The following NFIA variants were observed in gnomAD, a reference collection of about 807,000 sequenced individuals.
NFIA encodes the protein nuclear factor 1 A-type.
Under a neutral mutation model 62.8 loss-of-function variants are expected in NFIA, and 8 were observed. The ratio of observed to expected loss-of-function variants is 0.13; its 90% confidence interval spans 0.07 to 0.23. NFIA has a LOEUF of 0.23. Among genes scored for constraint, NFIA ranks in the 10% least tolerant of loss-of-function variants. The pLI, the probability that NFIA is intolerant of heterozygous loss-of-function variation, is 1.00. For synonymous variants in NFIA, 235 were observed against 238.1 expected, an observed-to-expected ratio of 0.99 and a Z score of 0.12; for missense variants, 410 against 642.1, an observed-to-expected ratio of 0.64 and a Z score of 3.91.
chr1:61,301,163 G>T (rs1259414119), intron 3 of NFIA, among the ~76,000 whole-genome samples: 2 of 116,352 alleles, frequency 1.7e-5, no homozygotes, highest in Non-Finnish European at 4.1e-5. Flanking sequence ...GGAGGACACC[G>T]GGTGATATGC....
At chr1:61,379,800 G>A (rs985425097) in intron 6 of NFIA, among the ~76,000 whole-genome samples, 1 of 152,032 alleles carries the variant, frequency 6.6e-6, no homozygotes, top group African/African-American at 2.4e-5. Flanking sequence ...CAATCCTCCT[G>A]TCTCAGCCTC....
At chr1:61,218,248 G>T (rs1021864030) in intron 2 of NFIA, among the ~76,000 whole-genome samples, 2 of 152,220 alleles carry the variant, frequency 1.3e-5, no homozygotes, top group Non-Finnish European at 2.9e-5. Context: ...TGTTACAATT[G>T]TAAGAGATGT....
chr1:61,080,525 A>G (rs1240537265), upstream of NFIA, among the ~76,000 whole-genome samples: 1 of 152,206 alleles, frequency 6.6e-6, no homozygotes, highest in African/African-American at 2.4e-5. Flanking sequence ...AGAAACTTCT[A>G]TCGAGGAAAC....
chr1:61,135,861 T>C (rs191998838), intron 2 of NFIA, among the ~76,000 whole-genome samples: 62 of 152,328 alleles, frequency 4.1e-4, no homozygotes, highest in African/African-American at 1.4e-3. Flanking sequence ...TCCTTATCCT[T>C]GTCTGGACAT....
At chr1:61,357,177 C>T (rs1662998854) in intron 5 of NFIA, among the ~76,000 whole-genome samples, 1 of 152,236 alleles carries the variant, frequency 6.6e-6, no homozygotes, top group South Asian at 2.1e-4. Context: ...TATCACACTT[C>T]ACTCACAATG....
At chr1:61,347,970 G>A (rs1461313030) in intron 4 of NFIA, among the ~76,000 whole-genome samples, 1 of 152,138 alleles carries the variant, frequency 6.6e-6, no homozygotes, top group African/African-American at 2.4e-5. Context: ...TCTAGCAAAT[G>A]CACTTTGAGG....
At chr1:61,178,476 T>TCC (rs747412148) in intron 2 of NFIA, among the ~76,000 whole-genome samples, 1 of 152,218 alleles carries the variant, frequency 6.6e-6, no homozygotes. Flanking sequence ...GGAGCCATTA[T>TCC]CCTCCTTTCA....
At chr1:61,389,107 AAAC>A (rs966631281) in intron 7 of NFIA, among the ~76,000 whole-genome samples, 2 of 152,176 alleles carry the variant, frequency 1.3e-5, no homozygotes, top group African/African-American at 2.4e-5. Flanking sequence ...CCCTGTCTCA[AAAC>A]AACAACAACA....
chr1:61,253,189 A>C (rs542641745), intron 2 of NFIA, among the ~76,000 whole-genome samples: 3 of 152,196 alleles, frequency 2.0e-5, no homozygotes, highest in African/African-American at 4.8e-5. Flanking sequence ...AGAACCAAGA[A>C]ATAGAGAACA....
chr1:61,350,138 G>A (rs1048222680), intron 4 of NFIA, among the ~76,000 whole-genome samples: 1 of 152,062 alleles, frequency 6.6e-6, no homozygotes, highest in Non-Finnish European at 1.5e-5. Flanking sequence ...TACTTTGCTG[G>A]TCCTTCTTTG....
At position 61,434,602 on chromosome 1, in the gene NFIA, T is replaced by C. The variant is rs534783161; in HGVS notation, c.1512+8046T>C. 8.5e-5 allele frequency among the ~76,000 whole-genome samples: 13 copies of C among 152,340 alleles called. No homozygotes were observed. The South Asian group carries it at 2.7e-3, about 32-fold the overall frequency. On this transcript the variant is annotated intron_variant, in intron 10 of 10. Coordinates refer to ENST00000403491, the MANE Select transcript of NFIA (RefSeq NM_001134673.4). ...TCGAGCCATTAATTCTAGATACTGG[T>C]CACCTTTTCTCTCAGTTCCTGTTCT...
chr1:61,358,941 AC>A (rs1408671942), intron 5 of NFIA, among the ~76,000 whole-genome samples: 1 of 152,124 alleles, frequency 6.6e-6, no homozygotes, highest in African/African-American at 2.4e-5. Context: ...TAAAAATCAA[AC>A]TCAGACACTT....
chr1:61,125,159 T>G (rs1646947008), intron 2 of NFIA: 1 of 152,222 alleles, frequency 6.6e-6, no homozygotes, highest in African/African-American at 2.4e-5. Flanking sequence ...TAACTAAAGA[T>G]CTTTTGTAAG....
intron 9 of NFIA, among the ~76,000 whole-genome samples, chr1:61,425,161 C>A (rs1366950006): frequency 1.3e-5 from 2 of 152,206 alleles, no homozygotes; most frequent in African/African-American, 4.8e-5. Flanking sequence ...GTGACCATTG[C>A]AGATCTGTTT....
chr1:61,266,096 C>G (rs1409381966), intron 2 of NFIA, among the ~76,000 whole-genome samples: 1 of 152,164 alleles, frequency 6.6e-6, no homozygotes, highest in Non-Finnish European at 1.5e-5. Context: ...AGAACCTTTG[C>G]TGAACACCTA....
chr1:61,419,487 T>C (rs1666505300), intron 9 of NFIA, among the ~76,000 whole-genome samples: 1 of 152,132 alleles, frequency 6.6e-6, no homozygotes. Flanking sequence ...CATTGTAAAG[T>C]GCCTTCTTCT....
chr1:61,172,652 G>A (rs1347567446), intron 2 of NFIA, among the ~76,000 whole-genome samples: 1 of 152,186 alleles, frequency 6.6e-6, no homozygotes, highest in South Asian at 2.1e-4. Flanking sequence ...TCTTTTTATA[G>A]TCAGAGGTCT....
Position 61,401,651 on chromosome 1 carries a change from A to G in NFIA, c.1076-2453A>G, listed in dbSNP as rs190871778. 9.8e-4 allele frequency among the ~76,000 whole-genome samples: 150 copies of G among 152,318 alleles called. 2 individuals are homozygous for G. The highest frequency in any genetic ancestry group is 6.8e-3 in the Middle Eastern group (2 of 294). On this transcript the variant is annotated intron_variant, in intron 7 of 10. Transcript: ENST00000403491. The stretch of plus-strand genomic sequence containing the variant: ...TGAGCACCTGAGGCAGCGGCACTTT[A>G]TCTTCAAGGTCAGCCTACCAGGGGC...
chr1:61,393,099 C>T (rs1009908450), intron 7 of NFIA, among the ~76,000 whole-genome samples: 2 of 151,538 alleles, frequency 1.3e-5, no homozygotes, highest in African/African-American at 4.9e-5. Flanking sequence ...AGATAAGCCC[C>T]GTTCTTTCTG....
Sources: allele counts gnomAD v4.1 joint callset (sites outside exome capture counted in the v4.1 genomes callset), GRCh38; gene constraint gnomAD v4.1.1; transcripts MANE v1.5; gene names NCBI Gene and HGNC (gene_info 2026-07-23, HGNC 2026-07-21).